NBEA: variants seen among roughly 807,000 people sequenced by gnomAD.
The protein encoded by NBEA is lysosomal-trafficking regulator 2.
Under a neutral mutation model 343.4 loss-of-function variants are expected in NBEA, and 44 were observed. The ratio of observed to expected loss-of-function variants is 0.13; its 90% CI spans 0.10 to 0.16. The LOEUF (loss-of-function observed/expected upper bound fraction) is 0.16, where lower values mean the gene tolerates loss of function less well. Among genes scored for constraint, NBEA ranks in the 10% least tolerant of loss-of-function variants. NBEA has a pLI of 1.00. For synonymous variants in NBEA, 1,175 were observed against 1,238.7 expected, an observed-to-expected ratio of 0.95 and a Z score of 1.08; for missense variants, 2,555 against 3,631.3, an observed-to-expected ratio of 0.70 and a Z score of 7.62.
At chr13:35,404,844 C>T (rs916566727) in intron 38 of NBEA, among the ~76,000 whole-genome samples, 1 of 151,736 alleles carries the variant, frequency 6.6e-6, no homozygotes, top group Non-Finnish European at 1.5e-5. Flanking sequence ...TCATGTGATA[C>T]GAAATAAATA....
rs981967265 is a variant in NBEA, at chr13:34,990,624, C to T, written c.294+47510C>T. The stretch of plus-strand genomic sequence containing the variant: ...TCTGGGCCTTTGATTGGAGGGGCTG[C>T]GGGAAAGCCTTCAAGGCATTTTCCC... On this transcript the variant is annotated intron_variant, in intron 1 of 58. Transcript: ENST00000379939. 8.0e-5 allele frequency among the ~76,000 whole-genome samples: 12 copies of T among 150,898 alleles called. 1 individual carries two copies. The highest frequency in any genetic ancestry group is 1.9e-4 in the African/African-American group (8 of 41,322).
intron 45 of NBEA, among the ~76,000 whole-genome samples, chr13:35,582,882 T>G (rs973137755): frequency 6.6e-6 from 1 of 152,148 alleles, no homozygotes; most frequent in African/African-American, 2.4e-5. Flanking sequence ...TGTGTCCCTT[T>G]GAAACACTAA....
intron 47 of NBEA, 77 bp from the exon 48 acceptor site, chr13:35,606,349 A>G (rs1484159917): frequency 2.7e-6 from 2 of 734,138 alleles, no homozygotes; most frequent in Non-Finnish European, 3.9e-6. Context: ...TTTATAGTTA[A>G]TAAGTTATAA....
chr13:35,337,090 G>A (rs373307119), intron 36 of NBEA, among the ~76,000 whole-genome samples: 4 of 152,038 alleles, frequency 2.6e-5, no homozygotes, highest in Admixed American at 2.6e-4. Flanking sequence ...AAGAAGGCAA[G>A]AAATGGAAGA....
In NBEA at chr13:34,942,516, A is replaced by AGGCAGC. The variant is rs1555255727; in HGVS notation, c.-301_-296dup. The AGGCAGC allele has an allele frequency of 1.8e-4, 34 of 192,844 alleles. No homozygotes were observed. Among genetic ancestry groups the AGGCAGC allele is most frequent in the Admixed American group, 1.6e-3 (26 of 16,244 alleles). 11.9% of individuals were successfully genotyped at this position (192,844 alleles called of 1,614,324 possible). A position where few individuals can be genotyped will look rare whatever the true frequency, so the allele number is the denominator to read the frequency against. ...ACAGACCGGGAGAGGGAGAGAGCAG[A>AGGCAGC]GGCAGCGGCGGCGGCAGCGGCAGCG... On this transcript the variant is annotated 5_prime_UTR_variant, in exon 1 of 59. Transcript: ENST00000379939.
intron 2 of NBEA, among the ~76,000 whole-genome samples, chr13:35,044,725 G>A (rs963079845): frequency 2.0e-5 from 3 of 150,856 alleles, no homozygotes; most frequent in African/African-American, 7.3e-5. Flanking sequence ...GGAAAATCAT[G>A]TAATTCAAAT....
At chr13:35,559,010 G>T (rs896444756) in intron 44 of NBEA, among the ~76,000 whole-genome samples, 5 of 152,104 alleles carry the variant, frequency 3.3e-5, no homozygotes, top group African/African-American at 1.2e-4. Flanking sequence ...AAAAAATTAT[G>T]AATATGAATA....
rs768231551 is a variant in NBEA, at chr13:35,566,956, C to G, written c.6974C>G (p.Thr2325Ser). Reference protein sequence around the residue: ...NQYPVFPWVLTNYESEELDLT... With the variant: ...NQYPVFPWVLSNYESEELDLT... ...TATCCAGTGTTTCCGTGGGTGTTAA[C>G]CAACTATGAATCAGAAGAGTTGGAC... Residue 2325 changes from threonine to serine, a missense_variant, in exon 45 of 59, where the codon ACC (threonine) becomes AGC (serine). Around this residue, in one of 21 missense-constraint regions of NBEA, gnomAD observed 38 missense variants for 97.2 expected, o/e 0.39. Coordinates refer to ENST00000379939, the MANE Select transcript of NBEA (RefSeq NM_001385012.1). 1 of 1,612,770 alleles carries G rather than the reference C, an allele frequency of 6.2e-7. No homozygotes were observed. Among genetic ancestry groups the G allele is most frequent in the Admixed American group, 1.7e-5 (1 of 59,958 alleles).
At chr13:35,353,854 T>C (rs987614627) in intron 38 of NBEA, among the ~76,000 whole-genome samples, 38 of 152,218 alleles carry the variant, frequency 2.5e-4, no homozygotes, top group African/African-American at 8.4e-4. Context: ...GAGATATTTA[T>C]ATTCATTAAC....
intron 36 of NBEA, among the ~76,000 whole-genome samples, chr13:35,330,116 T>G (rs1228125459): frequency 6.6e-6 from 1 of 152,048 alleles, no homozygotes; most frequent in Non-Finnish European, 1.5e-5. Context: ...CCGAACAACA[T>G]AGTCACCTGT....
chr13:35,232,718 T>C, intron 34 of NBEA, 99 bp downstream of exon 34: 1 of 911,544 alleles, frequency 1.1e-6, no homozygotes, highest in Non-Finnish European at 1.5e-6. Context: ...TCCAAAAGAA[T>C]GTAAAGGCAT....
chr13:34,977,600 C>T (rs1025650924), intron 1 of NBEA, among the ~76,000 whole-genome samples: 8 of 152,260 alleles, frequency 5.3e-5, no homozygotes, highest in East Asian at 3.9e-4. Context: ...TGAGCCACCA[C>T]GCTTGGCTGG....
intron 30 of NBEA, 143 bp from the exon 31 acceptor site, chr13:35,195,721 T>C: frequency 1.5e-6 from 1 of 667,342 alleles, no homozygotes; most frequent in Non-Finnish European, 2.5e-6. Context: ...AACTGAGTTG[T>C]GTTACTACTA....
intron 43 of NBEA, 73 bp downstream of exon 43, chr13:35,551,105 T>A (rs2079301597): frequency 2.3e-6 from 2 of 887,370 alleles, no homozygotes; most frequent in Non-Finnish European, 3.5e-6. Flanking sequence ...GCAATGTAAA[T>A]GTGGTTATAA....
intron 41 of NBEA, among the ~76,000 whole-genome samples, chr13:35,483,579 G>C (rs550295046): frequency 6.6e-6 from 1 of 151,972 alleles, no homozygotes; most frequent in South Asian, 2.1e-4. Flanking sequence ...TTAAATTATA[G>C]GAGTGAAGAC....
In NBEA at chr13:35,578,338, A is replaced by G. The variant is rs2153034483; in HGVS notation, c.7036-5560A>G. Among the ~76,000 whole-genome samples the G allele has an allele frequency of 2.0e-5, 3 of 152,256 alleles. 1 individual carries two copies. The Middle Eastern group carries it at 0.01, about 518-fold the overall frequency. ...GTGGATCTGTGAGGAATGAGGAATT[A>G]AGTAGGAAATTATGAAAGAAAAAAG... On this transcript the variant is annotated intron_variant, in intron 45 of 58. Transcript: ENST00000379939.
chr13:35,379,047 A>G (rs748279064), intron 38 of NBEA, among the ~76,000 whole-genome samples: 6 of 152,012 alleles, frequency 3.9e-5, no homozygotes, highest in Admixed American at 2.6e-4. Context: ...TTTAACTATT[A>G]TGAATAATGT....
chr13:35,540,692 A>G (rs1402740900), intron 41 of NBEA, among the ~76,000 whole-genome samples: 1 of 152,178 alleles, frequency 6.6e-6, no homozygotes, highest in African/African-American at 2.4e-5. Flanking sequence ...ACAAAAATTG[A>G]GTTCCTTCTC....
At chr13:35,414,811 C>A (rs552187172) in intron 38 of NBEA, among the ~76,000 whole-genome samples, 1 of 152,306 alleles carries the variant, frequency 6.6e-6, no homozygotes, top group Admixed American at 6.5e-5. Flanking sequence ...GCCACACTGT[C>A]TTCCACAATG....
Sources: gnomAD v4.1 joint callset for allele counts (sites outside exome capture counted in the v4.1 genomes callset) on GRCh38, gnomAD v4.1.1 for gene constraint, gnomAD v4.1.1 regional missense constraint, MANE v1.5 for transcripts, NCBI Gene and HGNC (gene_info 2026-07-23, HGNC 2026-07-21) for gene names.